RFK: variants seen among roughly 807,000 people sequenced by gnomAD.
RFK encodes the protein 0610038L10Rik.
In RFK, 4 loss-of-function variants were observed where a neutral mutation model predicts 17.6. The ratio of observed to expected loss-of-function variants is 0.23; its 90% CI spans 0.11 to 0.52. RFK has a LOEUF of 0.52. RFK is among the 20% of genes least tolerant of loss of function. RFK has a pLI of 0.96. For synonymous variants in RFK, 59 were observed against 63.8 expected, an observed-to-expected ratio of 0.92 and a Z score of 0.36; for missense variants, 189 against 187.7, an observed-to-expected ratio of 1.01 and a Z score of -0.04.
rs1442789494 is a variant in RFK at position 76,394,258 on chromosome 9, G to A, written c.-87C>T. 9 of 1,373,054 alleles carry A rather than the reference G, an allele frequency of 6.6e-6. No individual in the cohort carries two copies. The East Asian group carries it at 1.9e-4, about 29-fold the overall frequency. 85.1% of individuals were successfully genotyped at this position (1,373,054 alleles called of 1,614,324 possible). Reference sequence around the variant, plus strand: ...GACGCGGCGCCCAGACCCCGGACCAGCCGGGGGACAGGAGCGTGAGCTCTG... The same window carrying A: ...GACGCGGCGCCCAGACCCCGGACCAACCGGGGGACAGGAGCGTGAGCTCTG... On this transcript the variant is annotated 5_prime_UTR_variant, in exon 1 of 4. Coordinates refer to ENST00000376736, the MANE Select transcript of RFK (RefSeq NM_018339.6).
At chr9:76,392,363 T>G (rs1466526533) in intron 2 of RFK, 55 bp downstream of exon 2, 1 of 1,566,758 alleles carries the variant, frequency 6.4e-7, no homozygotes, top group Non-Finnish European at 8.8e-7. Context: ...TACTGTAATA[T>G]ATTATTCTAA....
intron 3 of RFK, chr9:76,387,768 G>A (rs915111608): frequency 2.9e-5 from 10 of 350,314 alleles, no homozygotes; most frequent in African/African-American, 6.3e-5. Context: ...GGGAAGCTGA[G>A]GCGGGCAGAT....
chr9:76,394,160 C>T lies in RFK; in HGVS notation c.12G>A (p.Leu4=), dbSNP rs555959241. 2.5e-6 allele frequency: 4 copies of T among 1,605,958 alleles called. No homozygotes were observed. In the South Asian group the frequency reaches 4.5e-5, roughly 18 times the overall value. ...CCACTTGACCCCGGCAGAAGTAAGGCAGGTGCCTCATAATGCAGTCCGCTC... is the reference window on the plus strand; with the variant it reads ...CCACTTGACCCCGGCAGAAGTAAGGTAGGTGCCTCATAATGCAGTCCGCTC... MRH[L]PYFCRGQVVR... The change falls in exon 1 of 4, where the codon CTG becomes CTA. Residue 4 remains leucine, a synonymous_variant. Coordinates refer to ENST00000376736, the MANE Select transcript of RFK (RefSeq NM_018339.6).
chr9:76,385,533 T>C lies in RFK; in HGVS notation c.*1866A>G, dbSNP rs1454732035. ...ACACAGGGAAAGAAAAAATATCACTTAGTCAAAATTTATTTCAAGGCCTGA... is the reference window on the plus strand; with the variant it reads ...ACACAGGGAAAGAAAAAATATCACTCAGTCAAAATTTATTTCAAGGCCTGA... On this transcript the variant is annotated 3_prime_UTR_variant, in exon 4 of 4. Transcript: ENST00000376736. 6.6e-6 allele frequency: 1 copy of C among 152,222 alleles called. No individual in the cohort carries two copies. Among genetic ancestry groups the C allele is most frequent in the Non-Finnish European group, 1.5e-5 (1 of 68,046 alleles). The allele number at this position is 152,222 out of a possible 1,614,324, so 9.4% of individuals were successfully genotyped here.
chr9:76,393,208 CTTTT>C (rs10716702), intron 1 of RFK, among the ~76,000 whole-genome samples: 6 of 131,784 alleles, frequency 4.6e-5, no homozygotes, highest in Non-Finnish European at 6.7e-5. Context: ...AAGTTTCTTT[CTTTT>C]TTTTTTTTTT....
In RFK at chr9:76,385,681, T is replaced by C. The variant is rs1264767831; in HGVS notation, c.*1718A>G. The C allele has an allele frequency of 6.6e-6, 1 of 152,198 alleles. No homozygotes were observed. The highest frequency in any genetic ancestry group is 1.5e-5 in the Non-Finnish European group (1 of 68,026). 9.4% of individuals were successfully genotyped at this position (152,198 alleles called of 1,614,324 possible). A position where few individuals can be genotyped will look rare whatever the true frequency, so the allele number is the denominator to read the frequency against. On this transcript the variant is annotated 3_prime_UTR_variant, in exon 4 of 4. Coordinates refer to ENST00000376736, the MANE Select transcript of RFK (RefSeq NM_018339.6). The stretch of plus-strand genomic sequence containing the variant: ...CACACTATCTGATTCTCAAAAGCAA[T>C]GGCTATTTAACAAGATGTAAAAGGA...
intron 3 of RFK, chr9:76,387,925 G>A: frequency 4.1e-6 from 1 of 242,980 alleles, no homozygotes; most frequent in Non-Finnish European, 8.2e-6. Flanking sequence ...CTTGAACCTG[G>A]GAGGTGGAGG....
intron 3 of RFK, chr9:76,387,996 TCAAA>T (rs757656297): frequency 3.3e-4 from 92 of 279,968 alleles, no homozygotes; most frequent in East Asian, 8.8e-4. Flanking sequence ...AAACTCTGTC[TCAAA>T]CAAACAAACA....
At chr9:76,392,602 C>A in intron 1 of RFK, 33 bp from the exon 2 acceptor site, 1 of 1,610,870 alleles carries the variant, frequency 6.2e-7, no homozygotes, top group Non-Finnish European at 8.5e-7. Context: ...TTGAGTCTTA[C>A]AAATTTCGTA....
rs1822760180 is a variant in RFK, at chr9:76,387,875, T to G, written c.338-346A>C. 4 of 225,028 alleles carry G rather than the reference T, an allele frequency of 1.8e-5. No individual in the cohort carries two copies. The South Asian group carries it at 2.3e-4, about 13-fold the overall frequency. 13.9% of individuals were successfully genotyped at this position (225,028 alleles called of 1,614,324 possible). Reference sequence around the variant, plus strand: ...TTAGCGGGGTGTGATGGTGGGTGCCTGTAATCCCAGCTACTCAGGAAGCTG... The same window carrying G: ...TTAGCGGGGTGTGATGGTGGGTGCCGGTAATCCCAGCTACTCAGGAAGCTG... On this transcript the variant is annotated intron_variant, in intron 3 of 3. Transcript: ENST00000376736.
Position 76,394,119 on chromosome 9 carries a change from C to G in RFK, c.53G>C (p.Arg18Pro). Residue 18 changes from arginine to proline, a missense_variant, in exon 1 of 4, where the codon CGC (arginine) becomes CCC (proline). By Grantham distance (103) the Arg-to-Pro change is moderately radical (BLOSUM62 -2). Transcript: ENST00000376736. ...CRGQVVRGFG[R>P]GSKQLGIPTA... ...GGGGATGCCCAGCTGCTTGGAGCCG[C>G]GGCCGAAGCCCCGCACCACTTGACC... 4.3e-6 allele frequency: 7 copies of G among 1,609,354 alleles called. No homozygotes were observed. Among genetic ancestry groups the G allele is most frequent in the Non-Finnish European group, 5.9e-6 (7 of 1,178,794 alleles).
chr9:76,386,988 C>A lies in RFK; in HGVS notation c.*411G>T, dbSNP rs1129399. The A allele has an allele frequency of 0.3, 46,223 of 154,410 alleles. 7,629 individuals are homozygous for A. The highest frequency in any genetic ancestry group is 0.38 in the Middle Eastern group (111 of 292). The allele number at this position is 154,410 out of a possible 1,614,324, so 9.6% of individuals were successfully genotyped here. A position where few individuals can be genotyped will look rare whatever the true frequency, so the allele number is the denominator to read the frequency against. The stretch of plus-strand genomic sequence containing the variant: ...AAGTGCTGGGATTACCGGTGTGAGC[C>A]ACTGCACTTGGCCTTAATGCATTTA... On this transcript the variant is annotated 3_prime_UTR_variant, in exon 4 of 4. Coordinates refer to ENST00000376736, the MANE Select transcript of RFK (RefSeq NM_018339.6).
chr9:76,389,972 T>G (rs1822796288), intron 2 of RFK, among the ~76,000 whole-genome samples: 1 of 152,064 alleles, frequency 6.6e-6, no homozygotes, highest in South Asian at 2.1e-4. Flanking sequence ...AAATTATTCA[T>G]GAAAATCTTG....
Position 76,386,614 on chromosome 9 carries a change from C to T in RFK, c.*785G>A, listed in dbSNP as rs1049873509. The stretch of plus-strand genomic sequence containing the variant: ...AAAAGGAGACATATAGATTTGAAAA[C>T]ACTTATTTTACTGTCTTCAACAACA... On this transcript the variant is annotated 3_prime_UTR_variant, in exon 4 of 4. Transcript: ENST00000376736. 2 of 152,100 alleles carry T rather than the reference C, an allele frequency of 1.3e-5. No homozygotes were observed. Among genetic ancestry groups the T allele is most frequent in the Admixed American group, 6.5e-5 (1 of 15,272 alleles). 9.4% of individuals were successfully genotyped at this position (152,100 alleles called of 1,614,324 possible).
chr9:76,393,441 A>G (rs544294683), intron 1 of RFK, among the ~76,000 whole-genome samples: 2 of 152,276 alleles, frequency 1.3e-5, no homozygotes, highest in African/African-American at 4.8e-5. Flanking sequence ...TCCTGAGCTC[A>G]GATGATCCGC....
chr9:76,392,689 G>T, intron 1 of RFK, 120 bp from the exon 2 acceptor site: 1 of 943,238 alleles, frequency 1.1e-6, no homozygotes, highest in Non-Finnish European at 1.6e-6. Flanking sequence ...GGAGGCTCAT[G>T]TTGAGCTCTG....
intron 2 of RFK, among the ~76,000 whole-genome samples, chr9:76,389,846 A>T (rs1040278460): frequency 6.6e-6 from 1 of 152,214 alleles, no homozygotes; most frequent in Non-Finnish European, 1.5e-5. Context: ...ATTGAGAGAA[A>T]TGGCAAACTT....
At position 76,385,731 on chromosome 9, in the gene RFK, C is replaced by T. The variant is rs1273111253; in HGVS notation, c.*1668G>A. ...ACAATAACATATCAAAGAACTTTCA[C>T]ACACCTAAAGATAGCATTTAGCAGC... On this transcript the variant is annotated 3_prime_UTR_variant, in exon 4 of 4. Transcript: ENST00000376736. 1 of 152,214 alleles carries T rather than the reference C, an allele frequency of 6.6e-6. No homozygotes were observed. Among genetic ancestry groups the T allele is most frequent in the African/African-American group, 2.4e-5 (1 of 41,454 alleles). 9.4% of individuals were successfully genotyped at this position (152,214 alleles called of 1,614,324 possible). A position where few individuals can be genotyped will look rare whatever the true frequency, so the allele number is the denominator to read the frequency against.
intron 3 of RFK, chr9:76,388,220 T>A (rs1040626461): frequency 1.0e-5 from 5 of 484,392 alleles, no homozygotes; most frequent in Non-Finnish European, 2.0e-5. Context: ...ATTTACTATA[T>A]CTCAAACTTC....
Sources: gnomAD v4.1 joint callset for allele counts (sites outside exome capture counted in the v4.1 genomes callset) on GRCh38, gnomAD v4.1.1 for gene constraint, MANE v1.5 for transcripts, NCBI Gene and HGNC (gene_info 2026-07-23, HGNC 2026-07-21) for gene names.